The following SNTG1 variants were observed in gnomAD, a reference collection of about 807,000 sequenced individuals.
The protein encoded by SNTG1 is syntrophin gamma 1.
A neutral mutation model predicts 74.7 loss-of-function variants in SNTG1; 39 were observed. That is an observed-to-expected ratio of 0.52 (90% CI 0.40 to 0.68). SNTG1 has a LOEUF of 0.68. Among genes scored for constraint, SNTG1 ranks in the 30% least tolerant of loss-of-function variants. The probability of loss-of-function intolerance (pLI) is 0.00; values close to 1 mark genes in which losing one functional copy is unlikely to be tolerated. For synonymous variants in SNTG1, 254 were observed against 217.1 expected (o/e 1.17, Z -1.49); for missense variants, 685 against 609.5 (o/e 1.12, Z -1.30).
chr8:50,208,152 T>C (rs1404331200), intron 2 of SNTG1, among the ~76,000 whole-genome samples: 2 of 152,232 alleles, frequency 1.3e-5, no homozygotes, highest in African/African-American at 2.4e-5. Flanking sequence ...ATCTGTGTAA[T>C]GTGGACAGTG....
chr8:49,987,206 A>T (rs970846449), intron 1 of SNTG1, among the ~76,000 whole-genome samples: 2 of 152,232 alleles, frequency 1.3e-5, no homozygotes, highest in African/African-American at 4.8e-5. Context: ...TAGTGAAAAC[A>T]ATATATATAA....
At chr8:50,415,816 C>T (rs1360038793) in intron 4 of SNTG1, among the ~76,000 whole-genome samples, 1 of 151,910 alleles carries the variant, frequency 6.6e-6, no homozygotes, top group Admixed American at 6.6e-5. Flanking sequence ...AACCAAAGCC[C>T]AGAGTTTAAA....
intron 13 of SNTG1, among the ~76,000 whole-genome samples, chr8:50,648,826 T>C (rs369753964): frequency 6.6e-6 from 1 of 152,194 alleles, no homozygotes; most frequent in East Asian, 1.9e-4. Flanking sequence ...CCCTACTTAG[T>C]GCACAACTGA....
chr8:50,001,958 C>A (rs1482477229), intron 1 of SNTG1, among the ~76,000 whole-genome samples: 1 of 152,098 alleles, frequency 6.6e-6, no homozygotes, highest in Non-Finnish European at 1.5e-5. Context: ...GTGACCCAGA[C>A]AGTAAAGCTG....
intron 2 of SNTG1, among the ~76,000 whole-genome samples, chr8:50,386,373 C>A (rs2092574012): frequency 6.6e-6 from 1 of 151,990 alleles, no homozygotes; most frequent in South Asian, 2.1e-4. Flanking sequence ...TTTTTCCCTT[C>A]TTTAATTCAT....
At chr8:50,315,267 G>A (rs1473226153) in intron 2 of SNTG1, among the ~76,000 whole-genome samples, 2 of 149,436 alleles carry the variant, frequency 1.3e-5, no homozygotes, top group Non-Finnish European at 2.9e-5. Flanking sequence ...CCATATGTTG[G>A]CTACGGAAAA....
Position 50,486,135 on chromosome 8 carries a change from C to G in SNTG1, c.364-16643C>G, listed in dbSNP as rs1249038273. Among the ~76,000 whole-genome samples, 4 of 152,218 alleles carry G rather than the reference C, an allele frequency of 2.6e-5. No individual in the cohort carries two copies. The East Asian group carries it at 5.8e-4, about 22-fold the overall frequency. ...TAGGATTGACTTGGCGATGCAGGCT[C>G]TTTTTTGCTTCCACATGAACTTTAA... On this transcript the variant is annotated intron_variant, in intron 8 of 18. Transcript: ENST00000642720.
At chr8:50,652,952 A>T (rs1351533857) in intron 13 of SNTG1, among the ~76,000 whole-genome samples, 2 of 151,976 alleles carry the variant, frequency 1.3e-5, no homozygotes, top group African/African-American at 4.8e-5. Context: ...TTTGCCTTAG[A>T]TCTACGTTTT....
intron 2 of SNTG1, among the ~76,000 whole-genome samples, chr8:50,173,432 C>T (rs1295610002): frequency 6.6e-6 from 1 of 152,110 alleles, no homozygotes; most frequent in African/African-American, 2.4e-5. Flanking sequence ...ATCAAACTCA[C>T]TGATATATGT....
At chr8:50,048,651 C>A (rs1161075799) in intron 1 of SNTG1, among the ~76,000 whole-genome samples, 1 of 152,006 alleles carries the variant, frequency 6.6e-6, no homozygotes, top group Admixed American at 6.6e-5. Context: ...AGTTTTTTCA[C>A]TTAATTTATT....
At chr8:50,333,676 C>G (rs2091042926) in intron 2 of SNTG1, among the ~76,000 whole-genome samples, 1 of 152,206 alleles carries the variant, frequency 6.6e-6, no homozygotes, top group Admixed American at 6.5e-5. Flanking sequence ...GAGTTCCCAT[C>G]ATGAGAATGG....
chr8:50,424,297 AC>A (rs1387853929), intron 4 of SNTG1, among the ~76,000 whole-genome samples: 14 of 152,168 alleles, frequency 9.2e-5, no homozygotes, highest in Non-Finnish European at 1.9e-4. Context: ...TTCTTTTCAG[AC>A]AAAACAAACA....
chr8:50,419,700 A>C (rs1276870941), intron 4 of SNTG1, among the ~76,000 whole-genome samples: 1 of 152,208 alleles, frequency 6.6e-6, no homozygotes, highest in African/African-American at 2.4e-5. Flanking sequence ...ATGAGAAGCA[A>C]TAATTAACAG....
intron 2 of SNTG1, among the ~76,000 whole-genome samples, chr8:50,317,416 G>A (rs2130789757): frequency 6.6e-6 from 1 of 152,308 alleles, no homozygotes; most frequent in East Asian, 1.9e-4. Context: ...TTAACTTACA[G>A]AGTTCTACAC....
At chr8:50,114,912 A>C (rs1039178844) in intron 1 of SNTG1, among the ~76,000 whole-genome samples, 1 of 152,146 alleles carries the variant, frequency 6.6e-6, no homozygotes, top group Non-Finnish European at 1.5e-5. Flanking sequence ...TATAATGTAC[A>C]GCAGGAGTGG....
At chr8:49,988,132 A>G in intron 1 of SNTG1, among the ~76,000 whole-genome samples, 1 of 152,200 alleles carries the variant, frequency 6.6e-6, no homozygotes, top group East Asian at 1.9e-4. Flanking sequence ...CTCCAGAGAA[A>G]TAATCTAACC....
At chr8:50,374,491 G>A (rs548587701) in intron 2 of SNTG1, among the ~76,000 whole-genome samples, 1 of 152,212 alleles carries the variant, frequency 6.6e-6, no homozygotes, top group East Asian at 1.9e-4. Context: ...CTCAACTGTT[G>A]TAAGGCGCAC....
At chr8:50,179,770 C>G (rs1307857932) in intron 2 of SNTG1, among the ~76,000 whole-genome samples, 2 of 152,030 alleles carry the variant, frequency 1.3e-5, no homozygotes, top group Non-Finnish European at 2.9e-5. Context: ...ATAAAAATGA[C>G]AAGAGATAAG....
chr8:50,110,205 G>A (rs2095611599), intron 1 of SNTG1, among the ~76,000 whole-genome samples: 1 of 152,138 alleles, frequency 6.6e-6, no homozygotes, highest in Non-Finnish European at 1.5e-5. Flanking sequence ...TGCAGAGTGA[G>A]GGATTACTGC....
Sources: allele counts gnomAD v4.1 joint callset (sites outside exome capture counted in the v4.1 genomes callset), GRCh38; gene constraint gnomAD v4.1.1; transcripts MANE v1.5; gene names NCBI Gene and HGNC (gene_info 2026-07-23, HGNC 2026-07-21).